The following CAPZB variants were observed in gnomAD, a reference collection of about 807,000 sequenced individuals.
CAPZB encodes F-actin-capping protein subunit beta.
In CAPZB, 2 loss-of-function variants were observed where a neutral mutation model predicts 38.1. The ratio of observed to expected loss-of-function variants is 0.05; its 90% CI spans 0.02 to 0.17. The LOEUF (loss-of-function observed/expected upper bound fraction) is 0.17. Ranked by LOEUF, CAPZB falls within the 10% of genes least tolerant of loss-of-function variation. The pLI is 1.00. For synonymous variants in CAPZB, 107 were observed against 127.4 expected (o/e 0.84, Z 1.08); for missense variants, 161 against 334.2 (o/e 0.48, Z 4.04).
chr1:19,409,207 A>C (rs1214143085), intron 2 of CAPZB, among the ~76,000 whole-genome samples: 1 of 152,074 alleles, frequency 6.6e-6, no homozygotes, highest in Non-Finnish European at 1.5e-5. Context: ...TGATGCTCTT[A>C]ATGGATAATG....
intron 1 of CAPZB, among the ~76,000 whole-genome samples, chr1:19,460,559 GC>G (rs1310615742): frequency 6.8e-6 from 1 of 146,692 alleles, no homozygotes; most frequent in Non-Finnish European, 1.5e-5. Flanking sequence ...ACAGGCGTGA[GC>G]CACTGTGCCC....
At chr1:19,398,591 C>A (rs1206540643) in intron 2 of CAPZB, among the ~76,000 whole-genome samples, 2 of 152,114 alleles carry the variant, frequency 1.3e-5, no homozygotes, top group Non-Finnish European at 2.9e-5. Context: ...CAAAAGTCAC[C>A]CAGGCTGTCT....
chr1:19,445,624 CT>C (rs1403352039), intron 1 of CAPZB, among the ~76,000 whole-genome samples: 2 of 152,148 alleles, frequency 1.3e-5, no homozygotes, highest in Non-Finnish European at 2.9e-5. Context: ...CAAATAATTT[CT>C]CTAAAAAATA....
At chr1:19,441,073 AAAAAC>A (rs2094474763) in intron 1 of CAPZB, among the ~76,000 whole-genome samples, 1 of 152,148 alleles carries the variant, frequency 6.6e-6, no homozygotes, top group Non-Finnish European at 1.5e-5. Flanking sequence ...ACAAAAAACA[AAAAAC>A]AAAAAACAAA....
intron 3 of CAPZB, among the ~76,000 whole-genome samples, chr1:19,381,126 G>A (rs937599351): frequency 1.3e-5 from 2 of 151,962 alleles, no homozygotes; most frequent in South Asian, 2.1e-4. Context: ...CTGAGATCGC[G>A]CCACTGCACT....
chr1:19,404,543 T>TA lies in CAPZB; in HGVS notation c.93+15117dup, dbSNP rs11356951. On this transcript the variant is annotated intron_variant, in intron 2 of 8. Transcript: ENST00000264202. ...TGGGTGACAGAGCAAAACTCCATGT[T>TA]AAAAAAAAAAAAAAAAAAAAAGAGG... Among the ~76,000 whole-genome samples, 958 of 127,962 alleles carry TA rather than the reference T, an allele frequency of 7.5e-3. 7 individuals carry two copies. The highest frequency in any genetic ancestry group is 0.022 in the African/African-American group (754 of 35,030). 83.9% of individuals were successfully genotyped at this position (127,962 alleles called of 152,430 possible).
chr1:19,448,218 C>T (rs1281909673), intron 1 of CAPZB, among the ~76,000 whole-genome samples: 2 of 152,264 alleles, frequency 1.3e-5, no homozygotes, highest in African/African-American at 2.4e-5. Context: ...ATCCCAAATA[C>T]CCGCTTCTCT....
chr1:19,433,547 G>A lies in CAPZB; in HGVS notation c.4-13797C>T, dbSNP rs188532067. 8.9e-4 allele frequency among the ~76,000 whole-genome samples: 135 copies of A among 152,294 alleles called. 1 individual carries two copies. Among genetic ancestry groups the A allele is most frequent in the African/African-American group, 2.9e-3 (122 of 41,562 alleles). On this transcript the variant is annotated intron_variant, in intron 1 of 8. Transcript: ENST00000264202. ...CCTGCACATGGCTTCCAAAGACATC[G>A]GGGAGAAGCTTCAGTCCAACCTGCA...
intron 6 of CAPZB, among the ~76,000 whole-genome samples, chr1:19,348,261 C>T (rs934828839): frequency 6.9e-6 from 1 of 145,592 alleles, no homozygotes; most frequent in Non-Finnish European, 1.5e-5. Flanking sequence ...GTTTAGGGCA[C>T]TTTTTTTTTT....
At chr1:19,434,208 G>A (rs997177737) in intron 1 of CAPZB, among the ~76,000 whole-genome samples, 1 of 152,190 alleles carries the variant, frequency 6.6e-6, no homozygotes. Flanking sequence ...GACCTTGGAA[G>A]TAAGACAGAC....
At chr1:19,432,306 G>A (rs2094444926) in intron 1 of CAPZB, among the ~76,000 whole-genome samples, 1 of 151,952 alleles carries the variant, frequency 6.6e-6, no homozygotes, top group Non-Finnish European at 1.5e-5. Context: ...GCCAGGCGTG[G>A]TGGTGTATGC....
At chr1:19,367,961 AAAC>A (rs1211034765) in intron 4 of CAPZB, among the ~76,000 whole-genome samples, 2 of 152,126 alleles carry the variant, frequency 1.3e-5, no homozygotes, top group Non-Finnish European at 2.9e-5. Flanking sequence ...CTACTTGTGA[AAAC>A]ACTGCTGGCC....
At chr1:19,468,727 C>T (rs1405965305) in intron 1 of CAPZB, among the ~76,000 whole-genome samples, 1 of 152,110 alleles carries the variant, frequency 6.6e-6, no homozygotes, top group African/African-American at 2.4e-5. Flanking sequence ...TCTGGCTCCT[C>T]TGAGTTTAAA....
intron 1 of CAPZB, among the ~76,000 whole-genome samples, chr1:19,436,976 A>C (rs115558117): frequency 6.6e-6 from 1 of 152,322 alleles, no homozygotes; most frequent in African/African-American, 2.4e-5. Flanking sequence ...TGGATGGTTC[A>C]GTTGTCTGAG....
intron 1 of CAPZB, among the ~76,000 whole-genome samples, chr1:19,476,664 G>C (rs1431690241): frequency 6.6e-6 from 1 of 152,202 alleles, no homozygotes; most frequent in Non-Finnish European, 1.5e-5. Flanking sequence ...TGTCCAGTAG[G>C]CCAAGCCACA....
intron 1 of CAPZB, among the ~76,000 whole-genome samples, chr1:19,482,604 T>C (rs1407666327): frequency 3.9e-5 from 6 of 152,262 alleles, no homozygotes; most frequent in African/African-American, 1.4e-4. Context: ...GCTAAGGGAA[T>C]GCAAATAAAT....
intron 1 of CAPZB, among the ~76,000 whole-genome samples, chr1:19,458,603 G>A (rs533196219): frequency 1.1e-4 from 17 of 152,312 alleles, no homozygotes; most frequent in East Asian, 1.9e-4. Context: ...TGATCCGCTC[G>A]CCTCAGCCTC....
At chr1:19,485,314 C>T (rs1213761771) in intron 1 of CAPZB, 122 bp downstream of exon 1, 2 of 657,430 alleles carry the variant, frequency 3.0e-6, no homozygotes, top group African/African-American at 1.9e-5. Flanking sequence ...ACCCAGGGTC[C>T]GGGACCCCGC....
At chr1:19,463,420 T>G (rs2094558630) in intron 1 of CAPZB, among the ~76,000 whole-genome samples, 1 of 152,198 alleles carries the variant, frequency 6.6e-6, no homozygotes, top group African/African-American at 2.4e-5. Context: ...ACCTGTGGTT[T>G]TGCAAAAGGA....
Sources: allele counts gnomAD v4.1 joint callset (sites outside exome capture counted in the v4.1 genomes callset), GRCh38; gene constraint gnomAD v4.1.1; transcripts MANE v1.5; gene names NCBI Gene and HGNC (gene_info 2026-07-23, HGNC 2026-07-21).